Variants in EPHA6 observed in about 807,000 individuals in gnomAD.
The protein encoded by EPHA6 is EPH receptor A6.
EPHA6 carries 50 observed loss-of-function variants against 112.0 expected under a neutral mutation model. The ratio of observed to expected loss-of-function variants is 0.45; its 90% confidence interval spans 0.36 to 0.56. The LOEUF (loss-of-function observed/expected upper bound fraction) is 0.56, where lower values mean the gene tolerates loss of function less well. Among genes scored for constraint, EPHA6 ranks in the 20% least tolerant of loss-of-function variants. The pLI is 0.00. For synonymous variants in EPHA6, 529 were observed against 490.7 expected, an observed-to-expected ratio of 1.08 and a Z score of -1.03; for missense variants, 1,280 against 1,417.4, an observed-to-expected ratio of 0.90 and a Z score of 1.56.
rs189532874 is a variant in EPHA6 at position 97,534,257 on chromosome 3, G to T, written c.2386+1714G>T. Among the ~76,000 whole-genome samples the T allele has an allele frequency of 4.6e-3, 693 of 152,074 alleles. 7 individuals are homozygous for T. The highest frequency in any genetic ancestry group is 0.016 in the African/African-American group (671 of 41,512). ...CACATTCAATAATATTCTTTATTGGGACTATATGTGCTAGCACTTTATACG... is the reference window on the plus strand; with the variant it reads ...CACATTCAATAATATTCTTTATTGGTACTATATGTGCTAGCACTTTATACG... On this transcript the variant is annotated intron_variant, in intron 11 of 17. Coordinates refer to ENST00000389672, the MANE Select transcript of EPHA6 (RefSeq NM_001080448.3).
intron 2 of EPHA6, among the ~76,000 whole-genome samples, chr3:96,887,689 G>T (rs771932955): frequency 1.3e-5 from 2 of 152,158 alleles, no homozygotes; most frequent in African/African-American, 4.8e-5. Flanking sequence ...TGCTACCAGG[G>T]TAGGTAGGGA....
chr3:97,045,813 C>A (rs909399820), intron 3 of EPHA6, among the ~76,000 whole-genome samples: 26 of 151,988 alleles, frequency 1.7e-4, no homozygotes, highest in African/African-American at 6.3e-4. Context: ...ATGGTGGGTA[C>A]ATATGTAGGT....
rs939151340 is a variant in EPHA6 at position 97,752,646 on chromosome 3, C to G, written c.*3945C>G. On this transcript the variant is annotated 3_prime_UTR_variant, in exon 18 of 18. Transcript: ENST00000389672. Reference sequence around the variant, plus strand: ...AAAGCTATAATATTTTGGGTTCTATCACATAATTGAGAACATTTGTACTCA... The same window carrying G: ...AAAGCTATAATATTTTGGGTTCTATGACATAATTGAGAACATTTGTACTCA... Among the ~76,000 whole-genome samples the G allele has an allele frequency of 5.9e-5, 9 of 152,070 alleles. No homozygotes were observed. The highest frequency in any genetic ancestry group is 2.2e-4 in the African/African-American group (9 of 41,424).
chr3:97,492,468 G>A (rs2091867089), intron 10 of EPHA6, among the ~76,000 whole-genome samples: 1 of 145,542 alleles, frequency 6.9e-6, no homozygotes, highest in African/African-American at 2.5e-5. Context: ...CTAGAACCAG[G>A]GAGGCGGAGA....
At chr3:97,622,156 C>T (rs1311723199) in intron 13 of EPHA6, among the ~76,000 whole-genome samples, 1 of 151,778 alleles carries the variant, frequency 6.6e-6, no homozygotes, top group Non-Finnish European at 1.5e-5. Flanking sequence ...TCACCAGTAT[C>T]CATCTGCAGA....
At chr3:97,168,238 T>C (rs1005096691) in intron 3 of EPHA6, among the ~76,000 whole-genome samples, 8 of 152,210 alleles carry the variant, frequency 5.3e-5, no homozygotes, top group Non-Finnish European at 8.8e-5. Context: ...ACACCTGCTT[T>C]TTCATTCTCA....
chr3:97,395,367 A>G (rs900244054), intron 5 of EPHA6, among the ~76,000 whole-genome samples: 4 of 151,840 alleles, frequency 2.6e-5, no homozygotes, highest in African/African-American at 9.7e-5. Flanking sequence ...AACATTTCCA[A>G]AACAAAATAT....
At chr3:96,962,484 G>A (rs2041980450) in intron 2 of EPHA6, among the ~76,000 whole-genome samples, 2 of 148,146 alleles carry the variant, frequency 1.4e-5, no homozygotes, top group African/African-American at 2.5e-5. Flanking sequence ...ACTGGGAATT[G>A]CTCCCAGTTC....
chr3:97,164,158 A>C (rs2076482397), intron 3 of EPHA6, among the ~76,000 whole-genome samples: 1 of 152,152 alleles, frequency 6.6e-6, no homozygotes, highest in Admixed American at 6.6e-5. Context: ...TATCCTATAC[A>C]CTTTCACTCA....
At chr3:97,641,852 G>A (rs574916868) in intron 14 of EPHA6, among the ~76,000 whole-genome samples, 18 of 151,952 alleles carry the variant, frequency 1.2e-4, no homozygotes, top group African/African-American at 4.1e-4. Context: ...AGGCGGCAGC[G>A]AGGCTGGGGG....
At chr3:97,480,706 C>T (rs1248903987) in intron 9 of EPHA6, among the ~76,000 whole-genome samples, 31 of 152,306 alleles carry the variant, frequency 2.0e-4, no homozygotes, top group South Asian at 6.2e-4. Context: ...TTGACAAAAC[C>T]GCCATCGTCA....
At position 97,596,875 on chromosome 3, in the gene EPHA6, AATATATATAT is replaced by A. The variant is rs62670860; in HGVS notation, c.2512+4159_2512+4168del. Among the ~76,000 whole-genome samples, 57 of 100,376 alleles carry A rather than the reference AATATATATAT, an allele frequency of 5.7e-4. 2 individuals carry two copies. The highest frequency in any genetic ancestry group is 1.9e-3 in the African/African-American group (33 of 17,506). 65.9% of individuals were successfully genotyped at this position (100,376 alleles called of 152,430 possible). Reference sequence around the variant, plus strand: ...GCAACAATTCCATATATATCTATGGAATATATATATATATATATATATATATATATGTATG... The same window carrying A: ...GCAACAATTCCATATATATCTATGGAATATATATATATATATATATGTATG... On this transcript the variant is annotated intron_variant, in intron 12 of 17. Transcript: ENST00000389672.
intron 6 of EPHA6, among the ~76,000 whole-genome samples, chr3:97,418,178 A>C (rs1474178748): frequency 6.6e-6 from 1 of 151,380 alleles, no homozygotes; most frequent in Non-Finnish European, 1.5e-5. Context: ...AAATAGATAC[A>C]CAGTCATACA....
intron 14 of EPHA6, among the ~76,000 whole-genome samples, chr3:97,657,860 A>G (rs1028948744): frequency 1.3e-5 from 2 of 151,762 alleles, no homozygotes; most frequent in African/African-American, 4.8e-5. Context: ...CACCCAGGTG[A>G]TTGTGAAACA....
At chr3:97,196,448 G>T (rs912672065) in intron 3 of EPHA6, among the ~76,000 whole-genome samples, 1 of 151,984 alleles carries the variant, frequency 6.6e-6, no homozygotes, top group Non-Finnish European at 1.5e-5. Flanking sequence ...CTGTCTGAAA[G>T]ATCACATTTC....
intron 3 of EPHA6, among the ~76,000 whole-genome samples, chr3:97,054,382 A>G (rs949704721): frequency 6.6e-6 from 1 of 152,140 alleles, no homozygotes; most frequent in African/African-American, 2.4e-5. Context: ...CGTGATTGCT[A>G]TGAGACTACT....
intron 8 of EPHA6, 149 bp from the exon 9 acceptor site, chr3:97,479,145 A>T (rs2305891): frequency 0.13 from 67,137 of 512,610 alleles, 7,058 homozygotes; most frequent in African/African-American, 0.38. Flanking sequence ...TAAAAAACCT[A>T]CTATAGAATA....
intron 1 of EPHA6, 96 bp downstream of exon 1, chr3:96,815,104 G>T: frequency 1.5e-5 from 19 of 1,239,910 alleles, no homozygotes; most frequent in Non-Finnish European, 2.1e-5. Flanking sequence ...CTTTGTACAG[G>T]GGTCAGAGTC....
chr3:97,321,822 C>T (rs1192930726), intron 5 of EPHA6, among the ~76,000 whole-genome samples: 1 of 152,054 alleles, frequency 6.6e-6, no homozygotes, highest in Admixed American at 6.6e-5. Flanking sequence ...CAGCCAACAG[C>T]TGTTAAAAAT....
Sources: allele counts gnomAD v4.1 joint callset (sites outside exome capture counted in the v4.1 genomes callset), GRCh38; gene constraint gnomAD v4.1.1; transcripts MANE v1.5; gene names NCBI Gene and HGNC (gene_info 2026-07-23, HGNC 2026-07-21).